Variants in CFAP70 observed in about 807,000 individuals in gnomAD.
The protein encoded by CFAP70 is cilia- and flagella-associated protein 70.
CFAP70 carries 81 observed loss-of-function variants against 137.6 expected under a neutral mutation model. That is an observed-to-expected ratio of 0.59 (90% confidence interval 0.49 to 0.71). The LOEUF is 0.71. Ranked by LOEUF, CFAP70 falls within the 30% of genes least tolerant of loss-of-function variation. The pLI is 0.00. For missense variants in CFAP70, 976 were observed against 1,226.7 expected (o/e 0.80, Z 3.05); for synonymous variants, 382 against 423.6 (o/e 0.90, Z 1.20).
At chr10:73,263,738 T>G (rs1197107724) in intron 25 of CFAP70, among the ~76,000 whole-genome samples, 5 of 152,350 alleles carry the variant, frequency 3.3e-5, no homozygotes, top group East Asian at 3.9e-4. Flanking sequence ...TATTTTCCCC[T>G]TTGTAATTAA....
chr10:73,347,208 C>T (rs373189029), intron 4 of CFAP70, among the ~76,000 whole-genome samples: 12 of 152,194 alleles, frequency 7.9e-5, no homozygotes, highest in East Asian at 7.7e-4. Context: ...ATAAAGGATG[C>T]TATATGCCTG....
chr10:73,352,467 T>C (rs1372311604), intron 3 of CFAP70, among the ~76,000 whole-genome samples: 1 of 149,720 alleles, frequency 6.7e-6, no homozygotes, highest in African/African-American at 2.5e-5. Context: ...TTATCAGGCT[T>C]TCTTTCTTTT....
chr10:73,353,854 G>A lies in CFAP70; in HGVS notation c.64-112C>T, dbSNP rs189749582. 761 of 903,580 alleles carry A rather than the reference G, an allele frequency of 8.4e-4. 5 individuals are homozygous for A. The highest frequency in any genetic ancestry group is 7.8e-3 in the African/African-American group (465 of 59,324). 56.0% of individuals were successfully genotyped at this position (903,580 alleles called of 1,614,324 possible). Reference sequence around the variant, plus strand: ...ATAGCATTTTTCATTTTTTCCTAACGAGCAACATCACAAATACAAAAGGAA... The same window carrying A: ...ATAGCATTTTTCATTTTTTCCTAACAAGCAACATCACAAATACAAAAGGAA... On this transcript the variant is annotated intron_variant, in intron 2 of 26. Coordinates refer to ENST00000310715, the Ensembl canonical transcript of CFAP70.
chr10:73,257,686 C>T lies in CFAP70; in HGVS notation c.3028-1270G>A, dbSNP rs78009753. Among the ~76,000 whole-genome samples the T allele has an allele frequency of 3.7e-3, 556 of 152,316 alleles. 6 individuals are homozygous for T. The highest frequency in any genetic ancestry group is 0.013 in the African/African-American group (533 of 41,564). The stretch of plus-strand genomic sequence containing the variant: ...CAACTGAAGTTCACTGAATTGCCAG[C>T]AGCATTTTCCAGCACACCTGCCTTT... On this transcript the variant is annotated intron_variant, in intron 25 of 26. Coordinates refer to ENST00000310715, the Ensembl canonical transcript of CFAP70.
intron 25 of CFAP70, among the ~76,000 whole-genome samples, chr10:73,261,603 C>T (rs1232386677): frequency 6.6e-6 from 1 of 152,152 alleles, no homozygotes; most frequent in Non-Finnish European, 1.5e-5. Context: ...ATTCAATCAG[C>T]TCCCACCTGG....
At chr10:73,319,243 C>T (rs527512356) in intron 9 of CFAP70, among the ~76,000 whole-genome samples, 4 of 152,058 alleles carry the variant, frequency 2.6e-5, no homozygotes, top group Non-Finnish European at 5.9e-5. Flanking sequence ...AAGGATCAGC[C>T]GGCACTCAGA....
chr10:73,316,491 T>TATATATATATATATAG (rs2050378853), intron 9 of CFAP70, among the ~76,000 whole-genome samples: 1 of 116,834 alleles, frequency 8.6e-6, no homozygotes, highest in African/African-American at 3.4e-5. Flanking sequence ...GATATAGATA[T>TATATATATATATATAG]ATATATATAT....
At chr10:73,284,646 G>A (rs1425165817) in intron 19 of CFAP70, among the ~76,000 whole-genome samples, 2 of 141,594 alleles carry the variant, frequency 1.4e-5, no homozygotes, top group Non-Finnish European at 3.1e-5. Flanking sequence ...TATCTATAGT[G>A]TATTAGAGTA....
intron 24 of CFAP70, among the ~76,000 whole-genome samples, chr10:73,271,659 C>A (rs79587376): frequency 6.6e-6 from 1 of 152,180 alleles, no homozygotes; most frequent in Non-Finnish European, 1.5e-5. Flanking sequence ...TGTGGAGTTA[C>A]GGATACTTTA....
chr10:73,283,936 A>C (rs1445186930), intron 19 of CFAP70, among the ~76,000 whole-genome samples: 1 of 152,216 alleles, frequency 6.6e-6, no homozygotes, highest in Non-Finnish European at 1.5e-5. Context: ...AAGTCAGTCT[A>C]TGTCTTTTAA....
chr10:73,286,263 T>C (rs893404980), intron 19 of CFAP70, among the ~76,000 whole-genome samples: 2 of 151,966 alleles, frequency 1.3e-5, no homozygotes, highest in African/African-American at 2.4e-5. Context: ...GCGAACATGG[T>C]GAAACCCCGT....
intron 5 of CFAP70, among the ~76,000 whole-genome samples, chr10:73,343,297 T>C (rs1421881511): frequency 6.6e-6 from 1 of 150,662 alleles, no homozygotes; most frequent in Non-Finnish European, 1.5e-5. Flanking sequence ...AGGGATAAGC[T>C]CATGAGCTGA....
intron 4 of CFAP70, among the ~76,000 whole-genome samples, chr10:73,346,296 AT>A (rs1404438212): frequency 3.3e-5 from 5 of 152,204 alleles, no homozygotes; most frequent in Non-Finnish European, 5.9e-5. Context: ...ATATATGTGT[AT>A]ACCTCTGACA....
intron 15 of CFAP70, chr10:73,296,262 T>C (rs2048538554): frequency 2.0e-5 from 3 of 152,220 alleles, no homozygotes; most frequent in African/African-American, 2.4e-5. Flanking sequence ...CATGCTCCAC[T>C]CTCAATTGCT....
At chr10:73,340,644 C>A (rs1051129172) in intron 6 of CFAP70, among the ~76,000 whole-genome samples, 2 of 152,218 alleles carry the variant, frequency 1.3e-5, no homozygotes, top group African/African-American at 2.4e-5. Context: ...AGTGGCCCCT[C>A]GGACTTTCTC....
At chr10:73,277,100 CAT>C in intron 21 of CFAP70, 138 bp downstream of exon 22, 5 of 1,074,704 alleles carry the variant, frequency 4.7e-6, no homozygotes, top group Non-Finnish European at 6.4e-6. Flanking sequence ...ATGTTCTTTC[CAT>C]TGGGCTTAAA....
chr10:73,302,320 G>C (rs2049010246), intron 12 of CFAP70, among the ~76,000 whole-genome samples: 1 of 152,190 alleles, frequency 6.6e-6, no homozygotes, highest in South Asian at 2.1e-4. Flanking sequence ...GGAGAGTATA[G>C]TGTCCTTACA....
exon 26 of CFAP70, chr10:73,256,372 G>T: frequency 6.2e-7 from 1 of 1,614,092 alleles, no homozygotes. Context: ...GTCATACCTT[G>T]ATCATGTACT....
chr10:73,298,371 T>C (rs1362262808), intron 14 of CFAP70, among the ~76,000 whole-genome samples: 2 of 152,222 alleles, frequency 1.3e-5, no homozygotes, highest in Non-Finnish European at 2.9e-5. Context: ...CAAATTTTAG[T>C]GATTCTATAG....
Sources: gnomAD v4.1 joint callset for allele counts (sites outside exome capture counted in the v4.1 genomes callset) on GRCh38, gnomAD v4.1.1 for gene constraint, MANE v1.5 for transcripts, NCBI Gene and HGNC (gene_info 2026-07-23, HGNC 2026-07-21) for gene names.